The following EIF3H variants were observed in gnomAD, a reference collection of about 807,000 sequenced individuals.
EIF3H encodes the protein eIF-3-gamma.
Under a neutral mutation model 44.2 loss-of-function variants are expected in EIF3H, and 26 were observed. That is an observed-to-expected ratio of 0.59 (90% CI 0.43 to 0.82). The LOEUF is 0.82. Among genes scored for constraint, EIF3H ranks in the 40% least tolerant of loss-of-function variants. The pLI, the probability that EIF3H is intolerant of heterozygous loss-of-function variation, is 0.00. For synonymous variants in EIF3H, 166 were observed against 151.9 expected (o/e 1.09, Z -0.68); for missense variants, 359 against 432.8 (o/e 0.83, Z 1.51).
intron 2 of EIF3H, among the ~76,000 whole-genome samples, chr8:116,678,963 G>A (rs1310804518): frequency 4.6e-3 from 385 of 82,830 alleles, no homozygotes; most frequent in African/African-American, 0.014. Flanking sequence ...CCCTCTGCCC[G>A]GCCAGTCGCC....
intron 2 of EIF3H, among the ~76,000 whole-genome samples, chr8:116,666,727 A>C (rs987572710): frequency 6.1e-5 from 9 of 146,594 alleles, no homozygotes; most frequent in African/African-American, 2.1e-4. Context: ...ATGTTAGAAG[A>C]CCAAATGAGA....
At chr8:116,681,178 C>T (rs1033230094) in intron 2 of EIF3H, among the ~76,000 whole-genome samples, 3 of 151,778 alleles carry the variant, frequency 2.0e-5, no homozygotes, top group African/African-American at 7.3e-5. Context: ...GCCTGGACAA[C>T]ATGGTAAAAC....
chr8:116,750,989 G>A (rs1815327906), intron 1 of EIF3H, among the ~76,000 whole-genome samples: 1 of 151,266 alleles, frequency 6.6e-6, no homozygotes, highest in African/African-American at 2.4e-5. Context: ...GAGGCGGGCG[G>A]ATCACGAGGT....
intron 5 of EIF3H, among the ~76,000 whole-genome samples, chr8:116,651,266 T>C (rs2130780115): frequency 6.6e-6 from 1 of 152,158 alleles, no homozygotes; most frequent in East Asian, 1.9e-4. Flanking sequence ...TGAGCAGAAA[T>C]GAGAGAGATT....
chr8:116,678,553 C>T (rs1433575852), intron 2 of EIF3H, among the ~76,000 whole-genome samples: 3 of 151,156 alleles, frequency 2.0e-5, no homozygotes, highest in Admixed American at 1.3e-4. Context: ...GCGAGGAGCG[C>T]CTCTTCCCAG....
intron 2 of EIF3H, among the ~76,000 whole-genome samples, chr8:116,674,328 G>T (rs1204769528): frequency 9.3e-5 from 13 of 140,268 alleles, no homozygotes; most frequent in South Asian, 5.2e-4. Context: ...AGGTGGGGGG[G>T]GGTGGGGGGG....
chr8:116,741,638 T>G (rs1232330850), intron 1 of EIF3H, among the ~76,000 whole-genome samples: 6 of 152,214 alleles, frequency 3.9e-5, no homozygotes, highest in Admixed American at 3.9e-4. Context: ...GTTTTGTAGC[T>G]TCTGGGAGGT....
upstream of EIF3H, among the ~76,000 whole-genome samples, chr8:116,759,017 T>C (rs918478554): frequency 2.0e-5 from 3 of 152,210 alleles, no homozygotes; most frequent in African/African-American, 7.2e-5. Context: ...TAACAGATTG[T>C]AGCAGAAACT....
chr8:116,751,800 C>T (rs1430474248), intron 1 of EIF3H, among the ~76,000 whole-genome samples: 2 of 152,186 alleles, frequency 1.3e-5, no homozygotes, highest in African/African-American at 4.8e-5. Context: ...CTGTCCCAGA[C>T]ATTGTTCTAG....
At chr8:116,654,262 A>G (rs963522762) in intron 5 of EIF3H, among the ~76,000 whole-genome samples, 5 of 152,204 alleles carry the variant, frequency 3.3e-5, no homozygotes, top group Non-Finnish European at 7.3e-5. Context: ...CTATAATAAA[A>G]TATTTGTCTA....
chr8:116,670,886 T>C (rs1813741709), intron 2 of EIF3H, among the ~76,000 whole-genome samples: 1 of 152,174 alleles, frequency 6.6e-6, no homozygotes, highest in African/African-American at 2.4e-5. Flanking sequence ...TGCCATTAGG[T>C]AATCTGAAGC....
At chr8:116,755,620 G>A (rs1473520578) in intron 1 of EIF3H, 46 bp downstream of exon 1, 1 of 1,611,602 alleles carries the variant, frequency 6.2e-7, no homozygotes, top group South Asian at 1.1e-5. Flanking sequence ...ACGGGGCTGG[G>A]AACTGCGCTC....
At chr8:116,712,870 G>A (rs564447318) in intron 2 of EIF3H, among the ~76,000 whole-genome samples, 1 of 152,168 alleles carries the variant, frequency 6.6e-6, no homozygotes, top group South Asian at 2.1e-4. Flanking sequence ...TTATCGATCT[G>A]TAAAACATAC....
chr8:116,706,154 C>T (rs1360938914), intron 2 of EIF3H, among the ~76,000 whole-genome samples: 1 of 152,142 alleles, frequency 6.6e-6, no homozygotes, highest in Non-Finnish European at 1.5e-5. Flanking sequence ...GCTGATGAGT[C>T]ATCAATTCAA....
intron 2 of EIF3H, among the ~76,000 whole-genome samples, chr8:116,692,689 C>T (rs529165736): frequency 2.0e-5 from 3 of 152,258 alleles, no homozygotes; most frequent in African/African-American, 7.2e-5. Flanking sequence ...TATATTTTCA[C>T]TTTATATTGT....
At chr8:116,720,442 G>A (rs1313698505) in intron 2 of EIF3H, among the ~76,000 whole-genome samples, 1 of 152,090 alleles carries the variant, frequency 6.6e-6, no homozygotes, top group Admixed American at 6.5e-5. Flanking sequence ...CATCCACGTA[G>A]AACTGTGAAT....
intron 2 of EIF3H, among the ~76,000 whole-genome samples, chr8:116,705,252 A>G (rs1207548187): frequency 6.6e-6 from 1 of 152,218 alleles, no homozygotes; most frequent in East Asian, 1.9e-4. Context: ...ACATTTACCC[A>G]TGTTGTTCAG....
chr8:116,690,668 C>T (rs1814159594), intron 2 of EIF3H, among the ~76,000 whole-genome samples: 1 of 152,212 alleles, frequency 6.6e-6, no homozygotes, highest in Non-Finnish European at 1.5e-5. Context: ...TATAACATTA[C>T]TTTGATCCTA....
chr8:116,729,398 T>C (rs1261289012), intron 1 of EIF3H, among the ~76,000 whole-genome samples: 3 of 152,220 alleles, frequency 2.0e-5, no homozygotes, highest in Non-Finnish European at 4.4e-5. Context: ...TCAAACTATA[T>C]TGAAAACTGT....
Sources: gnomAD v4.1 joint callset for allele counts (sites outside exome capture counted in the v4.1 genomes callset) on GRCh38, gnomAD v4.1.1 for gene constraint, MANE v1.5 for transcripts, NCBI Gene and HGNC (gene_info 2026-07-23, HGNC 2026-07-21) for gene names.